The following SOD2 variants were observed in gnomAD, a reference collection of about 807,000 sequenced individuals.
The protein encoded by SOD2 is superoxide dismutase 2.
In SOD2, 11 loss-of-function variants were observed where a neutral mutation model predicts 27.0. The observed-to-expected ratio is 0.41, with a 90% CI of 0.26 to 0.67. The LOEUF is 0.67. SOD2 is among the 30% of genes least tolerant of loss of function. The pLI is 0.34. For missense variants in SOD2, 250 were observed against 274.5 expected, an observed-to-expected ratio of 0.91 and a Z score of 0.63; for synonymous variants, 105 against 103.0, an observed-to-expected ratio of 1.02 and a Z score of -0.12.
chr6:159,721,432 G>T (rs1191901039), intron 1 of SOD2, among the ~76,000 whole-genome samples: 1 of 151,094 alleles, frequency 6.6e-6, no homozygotes, highest in East Asian at 2.0e-4. Context: ...GCAATGGTGC[G>T]ATCTTGGCTC....
intron 1 of SOD2, chr6:159,713,295 G>T: frequency 1.5e-6 from 1 of 665,228 alleles, no homozygotes; most frequent in Non-Finnish European, 2.7e-6. Flanking sequence ...CCACCATAGG[G>T]ACCCTGCCTC....
intron 1 of SOD2, among the ~76,000 whole-genome samples, chr6:159,724,490 T>C (rs901697173): frequency 1.3e-5 from 2 of 152,226 alleles, no homozygotes; most frequent in African/African-American, 2.4e-5. Flanking sequence ...GAATACACAG[T>C]TGACCCTTGA....
chr6:159,734,636 C>T (rs906912332), intron 1 of SOD2, among the ~76,000 whole-genome samples: 1 of 151,932 alleles, frequency 6.6e-6, no homozygotes, highest in African/African-American at 2.4e-5. Flanking sequence ...TATGGTGGGT[C>T]CCCATCTCTT....
At chr6:159,691,674 GCA>G (rs1243581311) in intron 2 of SOD2, 1 of 150,162 alleles carries the variant, frequency 6.7e-6, no homozygotes, top group Non-Finnish European at 1.5e-5. Context: ...CCCCCAAAAG[GCA>G]CAGACTCAAA....
chr6:159,695,570 T>G (rs2114801046), upstream of SOD2, among the ~76,000 whole-genome samples: 1 of 152,170 alleles, frequency 6.6e-6, no homozygotes, highest in East Asian at 1.9e-4. Context: ...TGATCACGGC[T>G]GATTGCAGCG....
At chr6:159,747,850 G>A (rs1288224549), upstream of SOD2, among the ~76,000 whole-genome samples, 1 of 152,002 alleles carries the variant, frequency 6.6e-6, no homozygotes, top group East Asian at 1.9e-4. Flanking sequence ...CAGATTTGGA[G>A]ATGTAATCAA....
chr6:159,718,729 C>T (rs1312388789), intron 1 of SOD2, among the ~76,000 whole-genome samples: 1 of 152,162 alleles, frequency 6.6e-6, no homozygotes. Context: ...TGTAAAACCA[C>T]AACTGTCTAT....
At chr6:159,727,000 C>A in intron 1 of SOD2, 2 of 1,267,448 alleles carry the variant, frequency 1.6e-6, no homozygotes, top group Middle Eastern at 3.1e-4. Context: ...TCGCCCAGAT[C>A]CCTCCGCACG....
chr6:159,748,309 C>T (rs1779696591), upstream of SOD2: 4 of 1,614,006 alleles, frequency 2.5e-6, no homozygotes. This position sits in a 1 kb window ranked among gnomAD's most constrained non-coding sequence, Gnocchi z 5.6. Flanking sequence ...CTGGAACAGA[C>T]TAAAGACAAA....
At chr6:159,755,765 CTTTTTTTTTTTT>C in intron 1 of SOD2, 127 of 173,378 alleles carry the variant, frequency 7.3e-4, no homozygotes, top group Middle Eastern at 2.6e-3. Flanking sequence ...TTTTTCTTTT[CTTTTTTTTTTTT>C]TTTTTTTTTT....
chr6:159,721,032 GTATTTTTATTTT>G (rs1272194445), intron 1 of SOD2, among the ~76,000 whole-genome samples: 10 of 136,404 alleles, frequency 7.3e-5, no homozygotes, highest in Non-Finnish European at 1.6e-4. Context: ...TTTTTTTTTT[GTATTTTTATTTT>G]TATTTAATTT....
At chr6:159,687,749 C>T (rs527715134) in intron 3 of SOD2, among the ~76,000 whole-genome samples, 3 of 152,054 alleles carry the variant, frequency 2.0e-5, no homozygotes, top group Admixed American at 2.0e-4. Context: ...TGGCTCATGC[C>T]TGTAATCCCA....
Position 159,719,225 on chromosome 6 carries a change from A to G in SOD2, c.-116+7904T>C, listed in dbSNP as rs542784778. On this transcript the variant is annotated intron_variant, in intron 1 of 2. Coordinates refer to the SOD2 transcript ENST00000401980. ...AGCTCTCTTTTCCTGTTTTCACCAC[A>G]TAAGAGATAAGAGAAGTCGGCTGGC... is the stretch of plus-strand genomic sequence containing the variant. 1.9e-4 allele frequency among the ~76,000 whole-genome samples: 29 copies of G among 152,212 alleles called. 1 individual carries two copies. In the South Asian group the frequency reaches 5.6e-3, roughly 29 times the overall value.
rs1779341141 is a variant in SOD2, at chr6:159,742,820, C to G, written c.-116+2310G>C. On this transcript the variant is annotated intron_variant, in intron 1 of 3. Transcript: ENST00000537657. ...CCTATAATCCCAGCACTTTGGGAGG[C>G]CAAGGTGGGAAGATCACTTGAGCCC... 2.6e-5 allele frequency among the ~76,000 whole-genome samples: 4 copies of G among 151,864 alleles called. No individual in the cohort carries two copies. The South Asian group carries it at 8.3e-4, about 32-fold the overall frequency.
chr6:159,727,379 G>GAGGCGGGAGGCGGGAGGCGA, upstream of SOD2: 3 of 1,128,332 alleles, frequency 2.7e-6, 1 homozygote, highest in Admixed American at 5.6e-5. Context: ...GAGGCTGGCG[G>GAGGCGGGAGGCGGGAGGCGA]GAGGCGGGAG....
At chr6:159,698,067 A>G (rs539183910), upstream of SOD2, among the ~76,000 whole-genome samples, 1 of 152,262 alleles carries the variant, frequency 6.6e-6, no homozygotes, top group South Asian at 2.1e-4. Flanking sequence ...GAGGTCAGGA[A>G]TTGGAGACCA....
upstream of SOD2, among the ~76,000 whole-genome samples, chr6:159,747,976 G>C (rs1779676295): frequency 6.6e-6 from 1 of 152,138 alleles, no homozygotes; most frequent in Admixed American, 6.5e-5. Context: ...ATAATGTATA[G>C]TGATCAGATC....
At chr6:159,727,616 G>T (rs1778272023), upstream of SOD2, 1 of 986,232 alleles carries the variant, frequency 1.0e-6, no homozygotes, top group Admixed American at 6.2e-5. Context: ...CCGGCTGCGC[G>T]GTGGCCCGGG....
intron 1 of SOD2, among the ~76,000 whole-genome samples, chr6:159,759,310 C>T (rs190928513): frequency 4.2e-3 from 632 of 149,586 alleles, no homozygotes; most frequent in Non-Finnish European, 5.1e-3. Flanking sequence ...CTGCCCGCCT[C>T]GGCCTCCCAA....
Sources: allele counts gnomAD v4.1 joint callset (sites outside exome capture counted in the v4.1 genomes callset), GRCh38; gene constraint gnomAD v4.1.1; non-coding constraint Gnocchi (gnomAD v3.1); transcripts MANE v1.5; gene names NCBI Gene and HGNC (gene_info 2026-07-23, HGNC 2026-07-21).